Variants in SCHIP1 observed in about 807,000 individuals in gnomAD.
SCHIP1 encodes the protein schwannomin-interacting protein 1.
Under a neutral mutation model 29.7 loss-of-function variants are expected in SCHIP1, and 8 were observed. That is an observed-to-expected ratio of 0.27 (90% CI 0.16 to 0.49). The LOEUF is 0.49. SCHIP1 is among the 20% of genes least tolerant of loss of function. The probability of loss-of-function intolerance (pLI) is 0.99; values close to 1 mark genes in which losing one functional copy is unlikely to be tolerated. For synonymous variants in SCHIP1, 76 were observed against 94.9 expected, an observed-to-expected ratio of 0.80 and a Z score of 1.16; for missense variants, 193 against 294.6, an observed-to-expected ratio of 0.66 and a Z score of 2.52.
the SCHIP1 span, among the ~76,000 whole-genome samples, chr3:159,684,050 A>G: frequency 6.6e-6 from 1 of 152,168 alleles, no homozygotes; most frequent in Non-Finnish European, 1.5e-5. Context: ...AGAGATAACA[A>G]AGGGCCCTGC....
chr3:159,672,530 A>C, the SCHIP1 span, among the ~76,000 whole-genome samples: 1 of 152,130 alleles, frequency 6.6e-6, no homozygotes, highest in African/African-American at 2.4e-5. Flanking sequence ...AACTGGAGCA[A>C]TTTTGCGCCC....
chr3:159,866,488 C>G (rs943143385), intron 2 of SCHIP1, among the ~76,000 whole-genome samples: 2 of 151,964 alleles, frequency 1.3e-5, no homozygotes, highest in Non-Finnish European at 2.9e-5. Context: ...TGGCTCATTT[C>G]CCAGCTACTT....
chr3:159,786,666 CGT>C, the SCHIP1 span, among the ~76,000 whole-genome samples: 9,655 of 124,752 alleles, frequency 0.077, 390 homozygotes, highest in Middle Eastern at 0.096. Flanking sequence ...TGAGTCAAAG[CGT>C]GTGTGTGTGT....
chr3:159,361,646 T>C, the SCHIP1 span, among the ~76,000 whole-genome samples: 6 of 152,162 alleles, frequency 3.9e-5, no homozygotes, highest in Admixed American at 3.9e-4. Context: ...TAGGGGGCAA[T>C]GCAGATGCAG....
At chr3:159,693,269 T>C in the SCHIP1 span, among the ~76,000 whole-genome samples, 3 of 152,186 alleles carry the variant, frequency 2.0e-5, no homozygotes, top group Non-Finnish European at 2.9e-5. Flanking sequence ...GTTTCATTGA[T>C]GCAGAAACTG....
chr3:159,556,111 A>G, the SCHIP1 span, among the ~76,000 whole-genome samples: 1 of 152,214 alleles, frequency 6.6e-6, no homozygotes, highest in East Asian at 1.9e-4. Flanking sequence ...GGCAAAGGAC[A>G]TGAACAGACA....
the SCHIP1 span, among the ~76,000 whole-genome samples, chr3:159,371,275 TC>T: frequency 6.6e-6 from 1 of 152,172 alleles, no homozygotes; most frequent in Admixed American, 6.5e-5. Context: ...TAAATTGGAA[TC>T]CTAACCCTAG....
At chr3:159,809,289 C>T in the SCHIP1 span, among the ~76,000 whole-genome samples, 4 of 152,126 alleles carry the variant, frequency 2.6e-5, no homozygotes, top group East Asian at 1.9e-4. Flanking sequence ...TTCCAAGTTT[C>T]GTCCATGTCC....
chr3:159,886,429 AG>A (rs1384406576), intron 3 of SCHIP1, 105 bp downstream of exon 4: 1 of 1,041,376 alleles, frequency 9.6e-7, no homozygotes, highest in African/African-American at 1.6e-5. Flanking sequence ...CAGAGATTAA[AG>A]AAGAAAAGTT....
chr3:159,383,843 C>G, the SCHIP1 span, among the ~76,000 whole-genome samples: 2 of 150,784 alleles, frequency 1.3e-5, no homozygotes, highest in African/African-American at 2.4e-5. Context: ...AAGTTGGATT[C>G]CTAGGTATTT....
chr3:159,347,150 A>G, the SCHIP1 span, among the ~76,000 whole-genome samples: 33 of 152,312 alleles, frequency 2.2e-4, no homozygotes, highest in African/African-American at 7.9e-4. Flanking sequence ...TGCACATTGT[A>G]CCATACCATA....
the SCHIP1 span, among the ~76,000 whole-genome samples, chr3:159,626,855 T>C: frequency 1.3e-5 from 2 of 152,184 alleles, no homozygotes; most frequent in South Asian, 2.1e-4. Flanking sequence ...CAGTATTATA[T>C]TGCCAGTCAG....
the SCHIP1 span, among the ~76,000 whole-genome samples, chr3:159,477,875 G>A: frequency 0.17 from 23,534 of 140,144 alleles, 2,076 homozygotes; most frequent in South Asian, 0.34. Context: ...GGAACTTTTT[G>A]TGTTTTCTTC....
At chr3:159,355,772 T>C in the SCHIP1 span, among the ~76,000 whole-genome samples, 1 of 152,056 alleles carries the variant, frequency 6.6e-6, no homozygotes, top group South Asian at 2.1e-4. Flanking sequence ...CGAGGCTAAA[T>C]TTGACCTGGA....
the SCHIP1 span, among the ~76,000 whole-genome samples, chr3:159,446,967 AT>A: frequency 6.6e-6 from 1 of 152,214 alleles, no homozygotes; most frequent in Non-Finnish European, 1.5e-5. Context: ...CAACTTATAC[AT>A]GTGGCAAAAT....
the SCHIP1 span, among the ~76,000 whole-genome samples, chr3:159,423,496 G>T: frequency 2.3e-4 from 35 of 152,250 alleles, no homozygotes; most frequent in Non-Finnish European, 4.8e-4. Context: ...GCGGCAGCGA[G>T]GCTGGGGGAG....
intron 2 of SCHIP1, among the ~76,000 whole-genome samples, chr3:159,872,454 T>C (rs1279591014): frequency 6.6e-6 from 1 of 152,102 alleles, no homozygotes; most frequent in Non-Finnish European, 1.5e-5. Context: ...GAAGCCTACC[T>C]GAAACTCTTC....
At chr3:159,401,001 A>G in the SCHIP1 span, 8 of 160,620 alleles carry the variant, frequency 5.0e-5, no homozygotes, top group Non-Finnish European at 1.1e-4. Context: ...GCTGTTAATG[A>G]GGATCAGAAG....
the SCHIP1 span, among the ~76,000 whole-genome samples, chr3:159,498,516 A>G: frequency 9.2e-5 from 14 of 152,220 alleles, no homozygotes; most frequent in Non-Finnish European, 1.6e-4. Flanking sequence ...GCAATTACCA[A>G]CAGAGCTGAG....
Sources: allele counts gnomAD v4.1 joint callset (sites outside exome capture counted in the v4.1 genomes callset), GRCh38; gene constraint gnomAD v4.1.1; transcripts MANE v1.5; gene names NCBI Gene and HGNC (gene_info 2026-07-23, HGNC 2026-07-21).